The following ABCG8 variants were observed in gnomAD, a reference collection of about 807,000 sequenced individuals.
The protein encoded by ABCG8 is ATP-binding cassette sub-family G member 8.
A neutral mutation model predicts 71.3 loss-of-function variants in ABCG8; 81 were observed. The ratio of observed to expected loss-of-function variants is 1.14; its 90% CI spans 0.95 to 1.37. ABCG8 has a LOEUF of 1.37. Among genes scored for constraint, ABCG8 ranks in the 40% most tolerant of loss-of-function variants. The pLI, the probability that ABCG8 is intolerant of heterozygous loss-of-function variation, is 0.00. For synonymous variants in ABCG8, 451 were observed against 354.7 expected (o/e 1.27, Z -3.05); for missense variants, 1,119 against 866.2 (o/e 1.29, Z -3.66).
Position 43,877,833 on chromosome 2 carries a change from A to C in ABCG8, c.1942A>C (p.Ile648Leu). 2 of 1,614,078 alleles carry C rather than the reference A, an allele frequency of 1.2e-6. No individual in the cohort carries two copies. Among genetic ancestry groups the C allele is most frequent in the Non-Finnish European group, 1.7e-6 (2 of 1,180,012 alleles). The change falls in exon 13 of 13, where the codon ATT becomes CTT. Residue 648 changes from isoleucine (I) to leucine (L), a missense_variant. By Grantham distance (5) the Ile-to-Leu change is conservative. Transcript: ENST00000272286. ...TCTCTACGCCATCTACCTCATCGTCATTGGCCTCAGCGGTGGCTTCATGGT... is the reference window on the plus strand; with the variant it reads ...TCTCTACGCCATCTACCTCATCGTCCTTGGCCTCAGCGGTGGCTTCATGGT... Reference protein sequence around the residue: ...YPLYAIYLIVIGLSGGFMVLY... With the variant: ...YPLYAIYLIVLGLSGGFMVLY...
chr2:43,856,355 A>ATAGAACTCTCACT (rs1669107050), intron 6 of ABCG8, among the ~76,000 whole-genome samples: 3 of 138,800 alleles, frequency 2.2e-5, no homozygotes, highest in African/African-American at 5.6e-5. Flanking sequence ...GAACTCTCAC[A>ATAGAACTCTCACT]CCCTGTCTGG....
At chr2:43,843,677 T>C (rs1668650101) in intron 1 of ABCG8, among the ~76,000 whole-genome samples, 1 of 152,142 alleles carries the variant, frequency 6.6e-6, no homozygotes, top group Non-Finnish European at 1.5e-5. Flanking sequence ...GATGGGGGAC[T>C]TCCTGTTGCT....
rs1457964683 is a variant in ABCG8, at chr2:43,873,680, C to G, written c.1212-107C>G. On this transcript the variant is annotated intron_variant, in intron 8 of 12. Transcript: ENST00000272286. ...CTCTATGAGGCAGGTATTACCATCC[C>G]CATTTTGCATAGGAGAAAAATGAGG... The G allele has an allele frequency of 1.4e-5, 16 of 1,127,746 alleles. No homozygotes were observed. The Admixed American group carries it at 1.5e-4, about 11-fold the overall frequency. 69.9% of individuals were successfully genotyped at this position (1,127,746 alleles called of 1,614,324 possible).
intron 6 of ABCG8, among the ~76,000 whole-genome samples, chr2:43,865,633 CCCT>C (rs879419879): frequency 0.01 from 1,525 of 151,088 alleles, 5 homozygotes; most frequent in Middle Eastern, 0.045. Context: ...ATAGAATTCT[CCCT>C]ACTGATAGAA....
At chr2:43,876,269 C>G (rs1229528147) in intron 11 of ABCG8, among the ~76,000 whole-genome samples, 1 of 152,240 alleles carries the variant, frequency 6.6e-6, no homozygotes, top group South Asian at 2.1e-4. Context: ...AGCAACCCCT[C>G]TGCCCTTTTG....
At position 43,872,227 on chromosome 2, in the gene ABCG8, G is replaced by A. The variant is rs562447483; in HGVS notation, c.1132G>A (p.Val378Met). The A allele has an allele frequency of 1.4e-5, 23 of 1,613,848 alleles. No individual in the cohort carries two copies. The highest frequency in any genetic ancestry group is 4.4e-5 in the South Asian group (4 of 91,070). The change falls in exon 8 of 13, where the codon GTG (valine) becomes ATG (methionine). Residue 378 changes from valine (V) to methionine (M), a missense_variant. Val to Met is a conservative substitution (Grantham distance 21). Coordinates refer to ENST00000272286, the MANE Select transcript of ABCG8 (RefSeq NM_022437.3). ...GCCACATCTTCTGCCTCCCAGCAGC[G>A]TGACCCCACTAGACACCAACTGCCT... Reference protein sequence around the residue: ...LDEDTCVESSVTPLDTNCLPS... With the variant: ...LDEDTCVESSMTPLDTNCLPS...
chr2:43,846,762 T>G, intron 3 of ABCG8: 1 of 231,448 alleles, frequency 4.3e-6, no homozygotes, highest in East Asian at 1.0e-4. Flanking sequence ...AGCACAACTT[T>G]CACTCATCTG....
intron 2 of ABCG8, 105 bp from the exon 3 acceptor site, chr2:43,846,050 C>T: frequency 8.1e-7 from 1 of 1,232,142 alleles, no homozygotes; most frequent in Non-Finnish European, 1.2e-6. Context: ...AGGACATATC[C>T]TCTGTGGAGA....
intron 6 of ABCG8, among the ~76,000 whole-genome samples, chr2:43,869,358 T>A (rs1211343201): frequency 1.3e-5 from 2 of 152,134 alleles, no homozygotes; most frequent in Non-Finnish European, 2.9e-5. Flanking sequence ...TGGATAGAAC[T>A]CTCACTATCT....
At position 43,881,638 on chromosome 2, in the gene ABCG8, G is replaced by A. The variant is rs1290486657; in HGVS notation, c.*3725G>A. 7.3e-5 allele frequency: 11 copies of A among 151,674 alleles called. No homozygotes were observed. Among genetic ancestry groups the A allele is most frequent in the African/African-American group, 2.4e-4 (10 of 41,204 alleles). 9.4% of individuals were successfully genotyped at this position (151,674 alleles called of 1,614,324 possible). ...GCAGGAGAATCGCTTGAATCCGGGA[G>A]GCAGAGGTTGCAGTGAGCCGAGATT... On this transcript the variant is annotated 3_prime_UTR_variant, in exon 13 of 13. Coordinates refer to ENST00000272286, the MANE Select transcript of ABCG8 (RefSeq NM_022437.3).
chr2:43,873,910 C>T lies in ABCG8; in HGVS notation c.1335C>T (p.Phe445=), dbSNP rs768546381. 2.2e-5 allele frequency: 36 copies of T among 1,614,160 alleles called. 1 individual carries two copies. In the South Asian group the frequency reaches 3.7e-4, roughly 17 times the overall value. The change falls in exon 9 of 13, where the codon TTC becomes TTT. Residue 445 remains phenylalanine, a synonymous_variant. Coordinates refer to ENST00000272286, the MANE Select transcript of ABCG8 (RefSeq NM_022437.3). The part of the protein sequence containing the change: ...YFGHGSIQLS[F]MDTAALLFMI... ...GCCATGGGAGCATCCAGCTCTCCTT[C>T]ATGGATACAGCCGCCCTCTTGTTCA...
chr2:43,845,121 A>AATT (rs1553376736), intron 2 of ABCG8, among the ~76,000 whole-genome samples: 11 of 133,090 alleles, frequency 8.3e-5, no homozygotes, highest in African/African-American at 2.9e-4. Context: ...TATATATATA[A>AATT]TTTTTTTTTT....
At position 43,877,578 on chromosome 2, in the gene ABCG8, A is replaced by G. The variant is rs1304023506; in HGVS notation, c.1774A>G (p.Lys592Glu). 6.2e-7 allele frequency: 1 copy of G among 1,613,994 alleles called. No individual in the cohort carries two copies. The highest frequency in any genetic ancestry group is 8.5e-7 in the Non-Finnish European group (1 of 1,180,026). ...SLWTVPAWIS[K>E]VSFLRWCFEG... ...GTCTCCAGTGCCCGCGTGGATTTCC[A>G]AAGTGTCCTTCCTGCGGTGGTGTTT... The change falls in exon 12 of 13, where the codon AAA (lysine) becomes GAA (glutamate). Residue 592 changes from lysine (K) to glutamate (E), a missense_variant. By Grantham distance (56) the Lys-to-Glu change is moderately conservative. Transcript: ENST00000272286.
At chr2:43,858,552 A>G (rs950709139) in intron 6 of ABCG8, among the ~76,000 whole-genome samples, 1 of 149,922 alleles carries the variant, frequency 6.7e-6, no homozygotes, top group Non-Finnish European at 1.5e-5. Flanking sequence ...ATAGAACTCT[A>G]TCTGTCTGGA....
Position 43,882,052 on chromosome 2 carries a change from A to C in ABCG8, c.*4139A>C, listed in dbSNP as rs542974294. 1.3e-5 allele frequency: 2 copies of C among 152,310 alleles called. No individual in the cohort carries two copies. Among genetic ancestry groups the C allele is most frequent in the African/African-American group, 4.8e-5 (2 of 41,568 alleles). 9.4% of individuals were successfully genotyped at this position (152,310 alleles called of 1,614,324 possible). A position where few individuals can be genotyped will look rare whatever the true frequency, so the allele number is the denominator to read the frequency against. ...TGCAGAGCCTTGGTAAAGGTTTTCA[A>C]ATTTGCATTTTAAGCCCTCCAATTT... On this transcript the variant is annotated 3_prime_UTR_variant, in exon 13 of 13. Coordinates refer to ENST00000272286, the MANE Select transcript of ABCG8 (RefSeq NM_022437.3).
intron 6 of ABCG8, among the ~76,000 whole-genome samples, chr2:43,858,629 G>A (rs1165480872): frequency 6.7e-6 from 1 of 148,380 alleles, no homozygotes. Context: ...TATCTGGATG[G>A]AATTCCCACT....
rs762225826 is a variant in ABCG8 at position 43,874,481 on chromosome 2, A to G, written c.1486A>G (p.Lys496Glu). Reference protein sequence around the residue: ...LYTTGPYFFAKILGELPEHCA... With the variant: ...LYTTGPYFFAEILGELPEHCA... ...CACCACTGGTCCATATTTCTTTGCC[A>G]AGGTGACTGGGCAGGGTTGAGAGCA... is the stretch of plus-strand genomic sequence containing the variant. Residue 496 changes from lysine to glutamate, a missense_variant and splice_region_variant, in exon 10 of 13, where the codon AAG (lysine) becomes GAG (glutamate). Transcript: ENST00000272286. 5.2e-5 allele frequency: 84 copies of G among 1,611,060 alleles called. No homozygotes were observed. In the Admixed American group the frequency reaches 1.4e-3, roughly 27 times the overall value.
At chr2:43,842,530 G>A (rs1668612153) in intron 1 of ABCG8, among the ~76,000 whole-genome samples, 1 of 151,926 alleles carries the variant, frequency 6.6e-6, no homozygotes, top group Non-Finnish European at 1.5e-5. Flanking sequence ...CTGCTTGGGG[G>A]CTTTGGCAAC....
At chr2:43,843,893 A>T (rs1668657120) in intron 1 of ABCG8, among the ~76,000 whole-genome samples, 1 of 152,228 alleles carries the variant, frequency 6.6e-6, no homozygotes, top group Admixed American at 6.5e-5. Flanking sequence ...AGCTCCCAGC[A>T]GCATTTTCCA....
Sources: allele counts gnomAD v4.1 joint callset (sites outside exome capture counted in the v4.1 genomes callset), GRCh38; gene constraint gnomAD v4.1.1; transcripts MANE v1.5; gene names NCBI Gene and HGNC (gene_info 2026-07-23, HGNC 2026-07-21).